MLIP: variants seen among roughly 807,000 people sequenced by gnomAD.
MLIP encodes the protein muscular LMNA interacting protein.
MLIP carries 79 observed loss-of-function variants against 84.8 expected under a neutral mutation model. The ratio of observed to expected loss-of-function variants is 0.93; its 90% CI spans 0.78 to 1.12. The LOEUF (loss-of-function observed/expected upper bound fraction) is 1.12. MLIP is among the 50% of genes most tolerant of loss of function. The pLI is 0.00. For missense variants in MLIP, 1,257 were observed against 1,160.6 expected, an observed-to-expected ratio of 1.08 and a Z score of -1.21; for synonymous variants, 504 against 463.0, an observed-to-expected ratio of 1.09 and a Z score of -1.14.
At chr6:54,067,334 A>G (rs1766261949) in intron 1 of MLIP, among the ~76,000 whole-genome samples, 1 of 101,480 alleles carries the variant, frequency 9.9e-6, no homozygotes, top group Non-Finnish European at 2.8e-5. Flanking sequence ...TGACTTTGAC[A>G]TGCTGTTTGA....
At chr6:54,056,788 C>A (rs1374765436) in intron 1 of MLIP, among the ~76,000 whole-genome samples, 23 of 152,044 alleles carry the variant, frequency 1.5e-4, no homozygotes, top group Admixed American at 1.2e-3. Flanking sequence ...AAAGTATTTT[C>A]AATTGAAGGA....
intron 1 of MLIP, among the ~76,000 whole-genome samples, chr6:54,114,802 C>G (rs181558114): frequency 6.6e-6 from 1 of 152,036 alleles, no homozygotes; most frequent in South Asian, 2.1e-4. Flanking sequence ...TTAATAATAC[C>G]TCATTGAATA....
intron 5 of MLIP, among the ~76,000 whole-genome samples, chr6:54,159,881 CA>C (rs1774432437): frequency 6.6e-6 from 1 of 151,900 alleles, no homozygotes; most frequent in Non-Finnish European, 1.5e-5. Context: ...ACTGCATAAG[CA>C]AAAAGAACAA....
At chr6:54,105,320 T>C (rs1486766877) in intron 1 of MLIP, among the ~76,000 whole-genome samples, 2 of 152,202 alleles carry the variant, frequency 1.3e-5, no homozygotes, top group Non-Finnish European at 2.9e-5. Flanking sequence ...TGAACGCCAG[T>C]GATTTCCTAT....
At chr6:54,253,393 G>A (rs1026655402) in intron 12 of MLIP, among the ~76,000 whole-genome samples, 9 of 152,082 alleles carry the variant, frequency 5.9e-5, no homozygotes, top group African/African-American at 2.2e-4. Context: ...AGTGAATTCT[G>A]GATGGAATGT....
chr6:54,110,182 A>C (rs1362969079), upstream of MLIP, among the ~76,000 whole-genome samples: 12 of 151,436 alleles, frequency 7.9e-5, no homozygotes, highest in African/African-American at 2.7e-4. Flanking sequence ...ACAGGGTTTC[A>C]CCATATAAGC....
At chr6:54,175,558 T>C (rs899144032) in intron 9 of MLIP, among the ~76,000 whole-genome samples, 5 of 152,058 alleles carry the variant, frequency 3.3e-5, no homozygotes, top group Admixed American at 2.6e-4. Flanking sequence ...TGTTCACTAT[T>C]GGTATGTAGA....
intron 1 of MLIP, among the ~76,000 whole-genome samples, chr6:54,100,205 A>G (rs530866473): frequency 2.3e-4 from 35 of 152,280 alleles, no homozygotes; most frequent in African/African-American, 8.4e-4. Flanking sequence ...TAAGTGTTAG[A>G]TAACCTGTTT....
chr6:54,077,433 C>G (rs1260960959), intron 1 of MLIP, among the ~76,000 whole-genome samples: 1 of 151,262 alleles, frequency 6.6e-6, no homozygotes, highest in Admixed American at 6.6e-5. Flanking sequence ...TTGCAGACTT[C>G]TAATTTAGAC....
intron 10 of MLIP, among the ~76,000 whole-genome samples, chr6:54,201,126 T>C (rs1778648030): frequency 6.6e-6 from 1 of 152,238 alleles, no homozygotes; most frequent in Non-Finnish European, 1.5e-5. Flanking sequence ...AAGATTTTGG[T>C]GTTTGTGAAA....
At chr6:54,077,545 A>C (rs1766878142) in intron 1 of MLIP, among the ~76,000 whole-genome samples, 1 of 152,216 alleles carries the variant, frequency 6.6e-6, no homozygotes, top group African/African-American at 2.4e-5. Context: ...TACGTGTTTC[A>C]AGATAATTTG....
chr6:54,223,319 A>T (rs78661352), intron 11 of MLIP, among the ~76,000 whole-genome samples: 280 of 151,746 alleles, frequency 1.8e-3, no homozygotes, highest in African/African-American at 6.2e-3. Flanking sequence ...AACAAACAAA[A>T]TACCCACAAC....
chr6:54,148,909 T>A (rs1773148523), intron 4 of MLIP, 147 bp from the exon 5 acceptor site: 1 of 590,612 alleles, frequency 1.7e-6, no homozygotes, highest in Non-Finnish European at 2.9e-6. Context: ...GTAAGCTAAT[T>A]GTTTCTGTCA....
At chr6:54,145,169 A>G (rs914345915) in intron 4 of MLIP, among the ~76,000 whole-genome samples, 1 of 152,184 alleles carries the variant, frequency 6.6e-6, no homozygotes, top group African/African-American at 2.4e-5. Flanking sequence ...TTTACCTCCT[A>G]TGATTAGCTA....
chr6:54,020,634 T>C (rs1763444735), intron 1 of MLIP, among the ~76,000 whole-genome samples: 1 of 152,200 alleles, frequency 6.6e-6, no homozygotes, highest in African/African-American at 2.4e-5. Flanking sequence ...TTCGATGTAT[T>C]AGCATTTCAC....
At chr6:54,149,481 A>G (rs1773209858) in intron 5 of MLIP, among the ~76,000 whole-genome samples, 1 of 152,152 alleles carries the variant, frequency 6.6e-6, no homozygotes, top group South Asian at 2.1e-4. Context: ...ATTGATCAAA[A>G]GAATTGAGGT....
intron 10 of MLIP, among the ~76,000 whole-genome samples, chr6:54,199,394 C>T (rs1778516957): frequency 6.6e-6 from 1 of 152,052 alleles, no homozygotes; most frequent in Non-Finnish European, 1.5e-5. Context: ...ATGAGATGAT[C>T]TATCTAAAAT....
At chr6:54,165,401 T>C (rs904707575) in intron 8 of MLIP, among the ~76,000 whole-genome samples, 1 of 151,912 alleles carries the variant, frequency 6.6e-6, no homozygotes, top group Non-Finnish European at 1.5e-5. Context: ...TTGAAACCTA[T>C]AGTTAACTAT....
intron 1 of MLIP, among the ~76,000 whole-genome samples, chr6:54,092,260 G>A (rs186970246): frequency 1.3e-5 from 2 of 152,244 alleles, no homozygotes; most frequent in Admixed American, 1.3e-4. Flanking sequence ...AGTTCTTTTG[G>A]CTGGATCATT....
Sources: gnomAD v4.1 joint callset for allele counts (sites outside exome capture counted in the v4.1 genomes callset) on GRCh38, gnomAD v4.1.1 for gene constraint, MANE v1.5 for transcripts, NCBI Gene and HGNC (gene_info 2026-07-23, HGNC 2026-07-21) for gene names.